The following RPTOR variants were observed in gnomAD, a reference collection of about 807,000 sequenced individuals.
RPTOR encodes regulatory associated protein of MTOR complex 1.
A neutral mutation model predicts 169.9 loss-of-function variants in RPTOR; 21 were observed. The ratio of observed to expected loss-of-function variants is 0.12; its 90% confidence interval spans 0.09 to 0.18. The LOEUF is 0.18. Among genes scored for constraint, RPTOR ranks in the 10% least tolerant of loss-of-function variants. The pLI is 1.00. For missense variants in RPTOR, 1,133 were observed against 1,855.9 expected (o/e 0.61, Z 7.16); for synonymous variants, 732 against 753.2 (o/e 0.97, Z 0.46).
chr17:80,654,256 C>T (rs1400994817), intron 3 of RPTOR, among the ~76,000 whole-genome samples: 2 of 152,238 alleles, frequency 1.3e-5, no homozygotes, highest in Non-Finnish European at 2.9e-5. Context: ...GGGGGCATGC[C>T]TGAGGGCCAC....
At chr17:80,769,499 G>T (rs1304976632) in intron 6 of RPTOR, among the ~76,000 whole-genome samples, 1 of 152,180 alleles carries the variant, frequency 6.6e-6, no homozygotes, top group Non-Finnish European at 1.5e-5. Flanking sequence ...GTCCCAGGTA[G>T]CCAGTAAACA....
rs1486739484 is a variant in RPTOR at position 80,746,442 on chromosome 17, A to G, written c.655-7568A>G. On this transcript the variant is annotated intron_variant, in intron 5 of 33. Coordinates refer to ENST00000306801, the MANE Select transcript of RPTOR (RefSeq NM_020761.3). The surrounding 1 kb of genome is among the most constrained non-coding windows in gnomAD (Gnocchi z 4.5). ...TGAACTGCGCGTGCACTGACTCCAC[A>G]TTACCCACACGTGGGAACAATGCAG... 6.6e-6 allele frequency among the ~76,000 whole-genome samples: 1 copy of G among 152,200 alleles called. No homozygotes were observed. Among genetic ancestry groups the G allele is most frequent in the Non-Finnish European group, 1.5e-5 (1 of 68,036 alleles).
intron 3 of RPTOR, among the ~76,000 whole-genome samples, chr17:80,688,933 C>T (rs911547351): frequency 9.8e-5 from 15 of 152,304 alleles, no homozygotes; most frequent in Admixed American, 9.8e-4. Context: ...CCTTTTTCTG[C>T]TTTACACAAG....
chr17:80,821,728 C>T (rs2067381086), intron 7 of RPTOR, among the ~76,000 whole-genome samples: 1 of 152,234 alleles, frequency 6.6e-6, no homozygotes, highest in African/African-American at 2.4e-5. Context: ...ATCCCTGTCG[C>T]AGGTATCAGC....
intron 20 of RPTOR, among the ~76,000 whole-genome samples, chr17:80,894,845 T>A (rs1256644258): frequency 6.6e-6 from 1 of 152,162 alleles, no homozygotes. Flanking sequence ...TCCCATTCCC[T>A]CTGGTGACAT....
intron 6 of RPTOR, among the ~76,000 whole-genome samples, chr17:80,783,529 A>G (rs1364194713): frequency 6.6e-6 from 1 of 152,198 alleles, no homozygotes; most frequent in African/African-American, 2.4e-5. Flanking sequence ...TTAACTTTTT[A>G]ATGTCTTTTG....
At chr17:80,835,251 T>C (rs143346080) in intron 9 of RPTOR, among the ~76,000 whole-genome samples, 1 of 152,304 alleles carries the variant, frequency 6.6e-6, no homozygotes, top group African/African-American at 2.4e-5. Context: ...CATCTTAAAC[T>C]TTTACTTTTT....
At position 80,730,814 on chromosome 17, in the gene RPTOR, C is replaced by T. The variant is rs1242746742; in HGVS notation, c.654+108C>T. 2 of 1,133,418 alleles carry T rather than the reference C, an allele frequency of 1.8e-6. No homozygotes were observed. The highest frequency in any genetic ancestry group is 2.5e-6 in the Non-Finnish European group (2 of 785,878). The allele number at this position is 1,133,418 out of a possible 1,614,324, so 70.2% of individuals were successfully genotyped here. ...GGTGTTGGACATCCTCTGAATGGAGCAGGGCTCAGAATGCCAAGGGCAGGA... is the reference window on the plus strand; with the variant it reads ...GGTGTTGGACATCCTCTGAATGGAGTAGGGCTCAGAATGCCAAGGGCAGGA... On this transcript the variant is annotated intron_variant, in intron 5 of 33. Transcript: ENST00000306801. This position sits in a 1 kb window ranked among gnomAD's most constrained non-coding sequence, Gnocchi z 4.2.
intron 4 of RPTOR, among the ~76,000 whole-genome samples, chr17:80,718,994 G>T (rs1330589137): frequency 6.6e-6 from 1 of 152,178 alleles, no homozygotes; most frequent in African/African-American, 2.4e-5. Flanking sequence ...GACAGGTGGA[G>T]GTTGAGTTAG....
Position 80,790,387 on chromosome 17 carries a change from G to C in RPTOR, c.831-1063G>C, listed in dbSNP as rs1327727726. On this transcript the variant is annotated intron_variant, in intron 6 of 33. Coordinates refer to ENST00000306801, the MANE Select transcript of RPTOR (RefSeq NM_020761.3). The stretch of plus-strand genomic sequence containing the variant: ...GGCTGGCAGCCATGCATGGGGTCCA[G>C]GATGACCAGCTCAGCCTCCCCTCGC... 2.0e-5 allele frequency among the ~76,000 whole-genome samples: 3 copies of C among 152,218 alleles called. No individual in the cohort carries two copies. In the East Asian group the frequency reaches 5.8e-4, roughly 29 times the overall value.
intron 19 of RPTOR, 107 bp downstream of exon 19, chr17:80,892,976 T>C: frequency 7.4e-7 from 1 of 1,355,742 alleles, no homozygotes; most frequent in East Asian, 2.4e-5. Context: ...TTCGTCTAAG[T>C]GCGTGCCCTG....
chr17:80,585,267 C>T (rs1483623253), intron 1 of RPTOR, among the ~76,000 whole-genome samples: 1 of 149,854 alleles, frequency 6.7e-6, no homozygotes. Flanking sequence ...TGCAGTGGTG[C>T]GATCTCGACT....
chr17:80,697,013 C>G (rs1340274332), intron 3 of RPTOR, among the ~76,000 whole-genome samples: 3 of 152,182 alleles, frequency 2.0e-5, no homozygotes, highest in African/African-American at 4.8e-5. Flanking sequence ...CCAGCAGGAG[C>G]AAAGGGCTAG....
chr17:80,783,847 A>G (rs959171769), intron 6 of RPTOR, among the ~76,000 whole-genome samples: 4 of 152,264 alleles, frequency 2.6e-5, no homozygotes, highest in East Asian at 1.9e-4. Context: ...CTTAATTTGT[A>G]TCTTGTCCTG....
At chr17:80,594,189 G>A (rs2065128017) in intron 1 of RPTOR, among the ~76,000 whole-genome samples, 1 of 152,118 alleles carries the variant, frequency 6.6e-6, no homozygotes, top group Non-Finnish European at 1.5e-5. Context: ...TGCCTCCTGG[G>A]TTCAAGCCAT....
rs900441993 is a variant in RPTOR, at chr17:80,844,214, G to A, written c.1213-2259G>A. On this transcript the variant is annotated intron_variant, in intron 10 of 33. Transcript: ENST00000306801. The surrounding 1 kb of genome is among the most constrained non-coding windows in gnomAD (Gnocchi z 4.7). Reference sequence around the variant, plus strand: ...CTTCCGCAGGCGCTTGCTCTAATTCGTCAGCCTCCCCGTGGCTTTAGGGAG... The same window carrying A: ...CTTCCGCAGGCGCTTGCTCTAATTCATCAGCCTCCCCGTGGCTTTAGGGAG... 1.3e-5 allele frequency among the ~76,000 whole-genome samples: 2 copies of A among 152,172 alleles called. No homozygotes were observed. The highest frequency in any genetic ancestry group is 2.1e-4 in the South Asian group (1 of 4,830).
At chr17:80,701,958 G>C (rs914807525) in intron 3 of RPTOR, among the ~76,000 whole-genome samples, 1 of 152,148 alleles carries the variant, frequency 6.6e-6, no homozygotes, top group African/African-American at 2.4e-5. Flanking sequence ...AGAGCTTCTA[G>C]CGGGACCATG....
At chr17:80,807,200 A>G (rs60857318) in intron 7 of RPTOR, among the ~76,000 whole-genome samples, 2,506 of 152,308 alleles carry the variant, frequency 0.016, 70 homozygotes, top group African/African-American at 0.058. Flanking sequence ...TTTGTTTTAA[A>G]ATAGAGACAG....
At chr17:80,551,317 G>T (rs79517096) in intron 1 of RPTOR, among the ~76,000 whole-genome samples, 36,486 of 152,062 alleles carry the variant, frequency 0.24, 5,364 homozygotes, top group East Asian at 0.42. Flanking sequence ...GAAATAAGGG[G>T]ACCCAGGGAA....
Sources: allele counts gnomAD v4.1 joint callset (sites outside exome capture counted in the v4.1 genomes callset), GRCh38; gene constraint gnomAD v4.1.1; non-coding constraint Gnocchi (gnomAD v3.1); transcripts MANE v1.5; gene names NCBI Gene and HGNC (gene_info 2026-07-23, HGNC 2026-07-21).